SREBF2: variants seen among roughly 807,000 people sequenced by gnomAD.
SREBF2 encodes sterol regulatory element-binding protein 2.
In SREBF2, 55 loss-of-function variants were observed where a neutral mutation model predicts 113.1. The ratio of observed to expected loss-of-function variants is 0.49; its 90% CI spans 0.39 to 0.61. The LOEUF (loss-of-function observed/expected upper bound fraction) is 0.61, where lower values mean the gene tolerates loss of function less well. Among genes scored for constraint, SREBF2 ranks in the 20% least tolerant of loss-of-function variants. The pLI, the probability that SREBF2 is intolerant of heterozygous loss-of-function variation, is 0.00. For synonymous variants in SREBF2, 593 were observed against 605.7 expected, an observed-to-expected ratio of 0.98 and a Z score of 0.31; for missense variants, 1,349 against 1,487.4, an observed-to-expected ratio of 0.91 and a Z score of 1.53.
intron 1 of SREBF2, among the ~76,000 whole-genome samples, chr22:41,857,941 G>A (rs1335105121): frequency 6.6e-6 from 1 of 152,198 alleles, no homozygotes; most frequent in Non-Finnish European, 1.5e-5. Flanking sequence ...TAGAGTGTGG[G>A]TAACTGATGT....
intron 13 of SREBF2, 131 bp from the exon 14 acceptor site, chr22:41,896,921 G>A: frequency 4.4e-6 from 3 of 681,726 alleles, no homozygotes; most frequent in East Asian, 5.8e-5. Flanking sequence ...GCGCTTGCGT[G>A]TGCCTGGGAT....
intron 1 of SREBF2, among the ~76,000 whole-genome samples, chr22:41,856,282 A>G (rs1205241919): frequency 2.0e-5 from 3 of 152,046 alleles, no homozygotes; most frequent in Non-Finnish European, 4.4e-5. Context: ...GCGTGCCACC[A>G]TGCCCCCTGC....
intron 1 of SREBF2, among the ~76,000 whole-genome samples, chr22:41,859,799 CTTTTTTTTTTT>C (rs1174473976): frequency 2.8e-4 from 15 of 54,346 alleles, no homozygotes; most frequent in Admixed American, 6.4e-4. Flanking sequence ...TATGGTGATT[CTTTTTTTTTTT>C]TTTTTTTTTT....
At chr22:41,864,727 G>A (rs2077059985) in intron 1 of SREBF2, among the ~76,000 whole-genome samples, 1 of 151,854 alleles carries the variant, frequency 6.6e-6, no homozygotes. Flanking sequence ...AGGCCAAACC[G>A]AGAGGTTGCT....
rs763386026 is a variant in SREBF2, at chr22:41,880,760, A to G, written c.1806A>G (p.Ala602=). ...CCGGCAACCTACAAACCTGCCTGGC[A>G]GTTTTGGGCCGGGCACTGCCCACCT... The part of the protein sequence containing the change: ...AAAGNLQTCL[A]VLGRALPTSR... Residue 602 remains alanine, a synonymous_variant, in exon 10 of 19, where the codon GCA becomes GCG. Coordinates refer to ENST00000361204, the MANE Select transcript of SREBF2 (RefSeq NM_004599.4). The G allele has an allele frequency of 6.2e-6, 10 of 1,614,142 alleles. No individual in the cohort carries two copies. In the Admixed American group the frequency reaches 1.3e-4, roughly 22 times the overall value.
intron 1 of SREBF2, among the ~76,000 whole-genome samples, chr22:41,854,685 A>G (rs948793444): frequency 1.3e-5 from 2 of 151,546 alleles, no homozygotes; most frequent in Non-Finnish European, 2.9e-5. Flanking sequence ...CCTGGCCAAC[A>G]TGGTGAAACC....
At chr22:41,904,020 C>T (rs1448630677) in intron 17 of SREBF2, among the ~76,000 whole-genome samples, 2 of 152,254 alleles carry the variant, frequency 1.3e-5, no homozygotes, top group Non-Finnish European at 2.9e-5. Flanking sequence ...GCTCTCTGGT[C>T]TGCTCACAGC....
chr22:41,879,769 C>T (rs890379630), intron 9 of SREBF2, among the ~76,000 whole-genome samples: 5 of 152,168 alleles, frequency 3.3e-5, no homozygotes, highest in African/African-American at 9.7e-5. Flanking sequence ...ATAGCCTGTC[C>T]TCTAGTTTCC....
intron 16 of SREBF2, among the ~76,000 whole-genome samples, chr22:41,902,220 C>A (rs1041061549): frequency 1.3e-5 from 2 of 152,206 alleles, no homozygotes; most frequent in African/African-American, 4.8e-5. Context: ...AAGGACTCCT[C>A]ACTGCTCGGT....
intron 16 of SREBF2, among the ~76,000 whole-genome samples, chr22:41,901,617 C>T (rs1191893401): frequency 6.6e-6 from 1 of 152,138 alleles, no homozygotes; most frequent in African/African-American, 2.4e-5. Context: ...GTCGAGATTG[C>T]ACCACTGCAC....
At chr22:41,874,934 T>C (rs2077181107) in intron 5 of SREBF2, among the ~76,000 whole-genome samples, 1 of 152,148 alleles carries the variant, frequency 6.6e-6, no homozygotes. Context: ...AAAAGATAAC[T>C]GTCCAACAAT....
intron 8 of SREBF2, 110 bp from the exon 9 acceptor site, chr22:41,877,832 C>G: frequency 8.5e-7 from 1 of 1,183,182 alleles, no homozygotes; most frequent in Non-Finnish European, 1.3e-6. Context: ...GCCCTTTCTT[C>G]TGAAAATGAG....
chr22:41,868,463 C>CTA, intron 2 of SREBF2, 148 bp from the exon 3 acceptor site: 1 of 903,332 alleles, frequency 1.1e-6, no homozygotes, highest in Non-Finnish European at 1.8e-6. Context: ...TTGTCTAAGC[C>CTA]ACCTTGTAAA....
Position 41,833,352 on chromosome 22 carries a change from A to C in SREBF2, c.82A>C (p.Ile28Leu), listed in dbSNP as rs1249990249. ...ELGDELTLGD[I>L]DEMLQFVSNQ... ...GGGCGACGAGCTGACCCTGGGAGACATCGACGGTGAGTGGTGGGTGGGTGG... is the reference window on the plus strand; with the variant it reads ...GGGCGACGAGCTGACCCTGGGAGACCTCGACGGTGAGTGGTGGGTGGGTGG... The change falls in exon 1 of 19, where the codon ATC (isoleucine) becomes CTC (leucine). Residue 28 changes from isoleucine to leucine, a missense_variant. Physicochemically the swap from Ile to Leu is conservative, Grantham distance 5. Around this residue, in one of 2 missense-constraint regions of SREBF2, gnomAD observed 699 missense variants for 843.3 expected, o/e 0.83. Coordinates refer to ENST00000361204, the MANE Select transcript of SREBF2 (RefSeq NM_004599.4). This position sits in a 1 kb window ranked among gnomAD's most constrained non-coding sequence, Gnocchi z 4.1. 10 of 648,006 alleles carry C rather than the reference A, an allele frequency of 1.5e-5. No homozygotes were observed. The highest frequency in any genetic ancestry group is 1.7e-5 in the Non-Finnish European group (7 of 414,982). 40.1% of individuals were successfully genotyped at this position (648,006 alleles called of 1,614,324 possible). A position where few individuals can be genotyped will look rare whatever the true frequency, so the allele number is the denominator to read the frequency against.
chr22:41,880,593 C>T, intron 9 of SREBF2, 123 bp from the exon 10 acceptor site: 1 of 1,289,926 alleles, frequency 7.8e-7, no homozygotes, highest in East Asian at 2.3e-5. Flanking sequence ...CTGAAGTTTC[C>T]CTCGTTTTTA....
intron 1 of SREBF2, among the ~76,000 whole-genome samples, chr22:41,842,166 A>G (rs559551954): frequency 6.6e-6 from 1 of 152,318 alleles, no homozygotes; most frequent in African/African-American, 2.4e-5. Flanking sequence ...ATGAATCAAA[A>G]TAAAATACAT....
At chr22:41,843,702 A>T (rs2076848884) in intron 1 of SREBF2, among the ~76,000 whole-genome samples, 1 of 152,126 alleles carries the variant, frequency 6.6e-6, no homozygotes, top group South Asian at 2.1e-4. Context: ...TGTGTTTATC[A>T]AGAAGTGTCT....
chr22:41,876,784 A>G (rs1602317216), intron 7 of SREBF2, among the ~76,000 whole-genome samples: 1 of 152,228 alleles, frequency 6.6e-6, no homozygotes, highest in Non-Finnish European at 1.5e-5. Flanking sequence ...CACTGTAATC[A>G]AGATATAGAA....
chr22:41,835,363 T>G (rs1412166455), intron 1 of SREBF2, among the ~76,000 whole-genome samples: 1 of 146,588 alleles, frequency 6.8e-6, no homozygotes, highest in East Asian at 2.0e-4. Flanking sequence ...CAGGCTGGAG[T>G]GCAATGGCGC....
Sources: gnomAD v4.1 joint callset for allele counts (sites outside exome capture counted in the v4.1 genomes callset) on GRCh38, gnomAD v4.1.1 for gene constraint, gnomAD v4.1.1 regional missense constraint, Gnocchi (gnomAD v3.1) non-coding constraint, MANE v1.5 for transcripts, NCBI Gene and HGNC (gene_info 2026-07-23, HGNC 2026-07-21) for gene names.